Variants in ZNF345 observed in about 807,000 individuals in gnomAD.
ZNF345 encodes the protein zinc finger protein HZF10.
For synonymous variants in ZNF345, 166 were observed against 187.9 expected (o/e 0.88, Z 0.95); for missense variants, 527 against 589.9 (o/e 0.89, Z 1.10).
chr19:36,873,258 T>C (rs1437982244), intron 2 of ZNF345, among the ~76,000 whole-genome samples: 1 of 152,150 alleles, frequency 6.6e-6, no homozygotes, highest in Non-Finnish European at 1.5e-5. Context: ...AGGTTTTCTT[T>C]GTTCTCCTAT....
chr19:36,886,713 C>T (rs1187554971), intron 3 of ZNF345, among the ~76,000 whole-genome samples: 11 of 151,636 alleles, frequency 7.3e-5, no homozygotes, highest in South Asian at 4.2e-4. Context: ...GGGGGCCGGG[C>T]GCGGTGGCTC....
chr19:36,881,681 G>A (rs1291326205), downstream of ZNF345, among the ~76,000 whole-genome samples: 1 of 151,998 alleles, frequency 6.6e-6, no homozygotes, highest in East Asian at 1.9e-4. Context: ...AAAAAGAATG[G>A]AATAGGAATC....
At chr19:36,861,797 C>T (rs929186372) in intron 2 of ZNF345, among the ~76,000 whole-genome samples, 2 of 150,580 alleles carry the variant, frequency 1.3e-5, no homozygotes, top group Non-Finnish European at 1.5e-5. Context: ...CTTGAGCTTG[C>T]AATCCGCCAG....
chr19:36,878,023 A>G lies in ZNF345; in HGVS notation c.1193A>G (p.Tyr398Cys), dbSNP rs764283961. 3.1e-6 allele frequency: 5 copies of G among 1,613,964 alleles called. No individual in the cohort carries two copies. The highest frequency in any genetic ancestry group is 4.2e-6 in the Non-Finnish European group (5 of 1,180,010). ...HQLIHTGERP[Y>C]ECKECGKSFS... ...CTAATCCATACTGGTGAAAGACCCT[A>G]TGAATGTAAAGAATGTGGAAAGTCC... Residue 398 changes from tyrosine to cysteine, a missense_variant, in exon 3 of 3, where the codon TAT (tyrosine) becomes TGT (cysteine). By Grantham distance (194) the Tyr-to-Cys change is radical. Transcript: ENST00000420450.
intron 2 of ZNF345, among the ~76,000 whole-genome samples, chr19:36,861,484 A>C (rs1453287673): frequency 6.6e-6 from 1 of 152,230 alleles, no homozygotes; most frequent in Admixed American, 6.5e-5. Context: ...GAGAATGCTA[A>C]CCTATACTGT....
chr19:36,886,584 G>A (rs1038259336), intron 3 of ZNF345, among the ~76,000 whole-genome samples: 31 of 152,200 alleles, frequency 2.0e-4, no homozygotes, highest in Non-Finnish European at 3.8e-4. Context: ...GCTGGCTCAT[G>A]CCTATAATCC....
rs949732995 is a variant in ZNF345 at position 36,877,656 on chromosome 19, C to T, written c.826C>T (p.His276Tyr). The stretch of plus-strand genomic sequence containing the variant: ...TAGTTTTGGATCAGCCCTTACTCGA[C>T]ATCAAAGAATTCATACTGGTGAGAA... Reference protein sequence around the residue: ...AFSFGSALTRHQRIHTGEKPY... With the variant: ...AFSFGSALTRYQRIHTGEKPY... Residue 276 changes from histidine (H) to tyrosine (Y), a missense_variant, in exon 3 of 3, where the codon CAT becomes TAT. His to Tyr is a moderately conservative substitution (Grantham distance 83). Transcript: ENST00000420450. 4 of 1,614,126 alleles carry T rather than the reference C, an allele frequency of 2.5e-6. No homozygotes were observed. Among genetic ancestry groups the T allele is most frequent in the African/African-American group, 2.7e-5 (2 of 75,046 alleles).
At chr19:36,889,928 A>C (rs1317195499) in intron 3 of ZNF345, 1 of 152,136 alleles carries the variant, frequency 6.6e-6, no homozygotes, top group Non-Finnish European at 1.5e-5. Context: ...CTCTCTTAGC[A>C]CTGCTTTTGC....
downstream of ZNF345, among the ~76,000 whole-genome samples, chr19:36,883,355 A>G (rs2072979492): frequency 6.6e-6 from 1 of 152,182 alleles, no homozygotes; most frequent in Admixed American, 6.5e-5. Flanking sequence ...TGTTCCCTAA[A>G]GATTGAAGTT....
In ZNF345 at chr19:36,877,735, C is replaced by T; in HGVS notation, c.905C>T (p.Thr302Ile). Residue 302 changes from threonine (T) to isoleucine (I), a missense_variant, in exon 3 of 3, where the codon ACT becomes ATT. Physicochemically the swap from Thr to Ile is moderately conservative, Grantham distance 89 (BLOSUM62 -1). Coordinates refer to ENST00000420450, the MANE Select transcript of ZNF345 (RefSeq NM_001242472.2). ...GCTTTTAATAGTGGCTCAGATCTCA[C>T]TCAGCATCAGAGAATTCACACTGGT... ...GKAFNSGSDL[T>I]QHQRIHTGEK... is the part of the protein sequence containing the mutation. The T allele has an allele frequency of 6.2e-7, 1 of 1,612,072 alleles. No individual in the cohort carries two copies.
chr19:36,871,955 C>T (rs1384040798), intron 2 of ZNF345, among the ~76,000 whole-genome samples: 3 of 151,940 alleles, frequency 2.0e-5, no homozygotes, highest in Non-Finnish European at 2.9e-5. Flanking sequence ...TTAGTAGAGA[C>T]GGGGTTTCTC....
intron 2 of ZNF345, among the ~76,000 whole-genome samples, chr19:36,870,314 A>G (rs1182895816): frequency 6.6e-6 from 1 of 152,172 alleles, no homozygotes. Flanking sequence ...TTCAAAATCT[A>G]CTGGAAAATA....
chr19:36,854,235 G>GTTTTTTTTTTTT (rs34215056), intron 2 of ZNF345, among the ~76,000 whole-genome samples: 4 of 138,700 alleles, frequency 2.9e-5, no homozygotes, highest in Non-Finnish European at 3.2e-5. Context: ...CCTGGGTTTT[G>GTTTTTTTTTTTT]TTTTTTTTTT....
intron 3 of ZNF345, chr19:36,891,392 A>G (rs1362051184): frequency 4.0e-6 from 5 of 1,249,084 alleles, no homozygotes; most frequent in South Asian, 2.0e-5. Flanking sequence ...AAACGAATAC[A>G]TAGGAGAACC....
At chr19:36,855,830 C>T (rs909051283) in intron 2 of ZNF345, among the ~76,000 whole-genome samples, 1 of 152,206 alleles carries the variant, frequency 6.6e-6, no homozygotes, top group Non-Finnish European at 1.5e-5. Context: ...TCTGCCTCTA[C>T]ATCTTTGCCA....
downstream of ZNF345, among the ~76,000 whole-genome samples, chr19:36,884,333 C>G (rs775224209): frequency 3.9e-5 from 6 of 152,186 alleles, no homozygotes; most frequent in Admixed American, 2.6e-4. Flanking sequence ...GCTGGGATTA[C>G]AGGCATGAGC....
chr19:36,890,370 C>T (rs1040115926), intron 3 of ZNF345: 2 of 151,864 alleles, frequency 1.3e-5, no homozygotes, highest in Non-Finnish European at 2.9e-5. Context: ...TGGTGAAGTC[C>T]CCTGCTATTG....
chr19:36,860,538 A>C (rs1205742861), intron 2 of ZNF345, among the ~76,000 whole-genome samples: 2 of 152,072 alleles, frequency 1.3e-5, no homozygotes, highest in Non-Finnish European at 2.9e-5. Flanking sequence ...TGATCTTGGA[A>C]TTTTTGAAGA....
chr19:36,887,186 ACC>A (rs1568364498), intron 3 of ZNF345, among the ~76,000 whole-genome samples: 143 of 151,884 alleles, frequency 9.4e-4, no homozygotes, highest in African/African-American at 2.9e-3. Flanking sequence ...CACCACCACC[ACC>A]ACCACCACCA....
Sources: allele counts gnomAD v4.1 joint callset (sites outside exome capture counted in the v4.1 genomes callset), GRCh38; gene constraint gnomAD v4.1.1; transcripts MANE v1.5; gene names NCBI Gene and HGNC (gene_info 2026-07-23, HGNC 2026-07-21).